The following SHROOM2 variants were observed in gnomAD, a reference collection of about 807,000 sequenced individuals.
SHROOM2 encodes protein Shroom2.
Under a neutral mutation model 75.9 loss-of-function variants are expected in SHROOM2, and 33 were observed. The observed-to-expected ratio is 0.43, with a 90% CI of 0.33 to 0.58. The LOEUF (loss-of-function observed/expected upper bound fraction) is 0.58. Ranked by LOEUF, SHROOM2 falls within the 20% of genes least tolerant of loss-of-function variation. SHROOM2 has a pLI of 0.04. For synonymous variants in SHROOM2, 655 were observed against 663.6 expected (o/e 0.99, Z 0.20); for missense variants, 1,434 against 1,461.2 (o/e 0.98, Z 0.30).
intron 7 of SHROOM2, among the ~76,000 whole-genome samples, 158 bp downstream of exon 7, chrX:9,937,843 G>A (rs1027432933): frequency 1.8e-5 from 2 of 112,180 alleles, no homozygotes; most frequent in Admixed American, 1.9e-4. Context: ...TGGCTTTTTT[G>A]TGAGCCTCCG....
At chrX:9,860,173 G>A (rs2084095602) in intron 1 of SHROOM2, among the ~76,000 whole-genome samples, 1 of 111,821 alleles carries the variant, frequency 8.9e-6, no homozygotes, top group Non-Finnish European at 1.9e-5. Flanking sequence ...CAGGGATGCT[G>A]CTGAGTCCCC....
At chrX:9,816,686 A>G (rs1231007421) in intron 1 of SHROOM2, among the ~76,000 whole-genome samples, 1 of 110,879 alleles carries the variant, frequency 9.0e-6, no homozygotes, top group Non-Finnish European at 1.9e-5. Context: ...TGGGGTTCAG[A>G]CAGCGAGCGG....
At chrX:9,801,373 A>C (rs1301232199) in intron 1 of SHROOM2, among the ~76,000 whole-genome samples, 1 of 111,497 alleles carries the variant, frequency 9.0e-6, no homozygotes, top group Non-Finnish European at 1.9e-5. Flanking sequence ...GAGTATGAAA[A>C]GTTCTTCATG....
intron 1 of SHROOM2, among the ~76,000 whole-genome samples, chrX:9,787,827 G>C (rs143649381): frequency 0.039 from 4,383 of 111,738 alleles, 95 homozygotes; most frequent in Non-Finnish European, 0.063. Flanking sequence ...GTTGAACTCA[G>C]GAAAGAGGTT....
At chrX:9,935,962 C>T (rs1281249936) in intron 6 of SHROOM2, among the ~76,000 whole-genome samples, 2 of 111,411 alleles carry the variant, frequency 1.8e-5, no homozygotes, top group African/African-American at 3.3e-5. Context: ...TGGTCTAGCA[C>T]GGTGCCGCTG....
At chrX:9,857,122 A>T (rs1464350417) in intron 1 of SHROOM2, among the ~76,000 whole-genome samples, 1 of 112,812 alleles carries the variant, frequency 8.9e-6, no homozygotes, top group Non-Finnish European at 1.9e-5. Context: ...CAGAAAGAGG[A>T]CACGAAGGTG....
At chrX:9,911,484 T>G (rs1400288153) in intron 5 of SHROOM2, among the ~76,000 whole-genome samples, 1 of 111,077 alleles carries the variant, frequency 9.0e-6, no homozygotes, top group African/African-American at 3.3e-5. Context: ...AGGAACAGGT[T>G]GGAAAGAGAA....
chrX:9,922,689 A>T (rs1266244852), intron 5 of SHROOM2, among the ~76,000 whole-genome samples: 3 of 111,113 alleles, frequency 2.7e-5, no homozygotes, highest in Admixed American at 9.6e-5. Flanking sequence ...GCCAACATGA[A>T]TGAGGGCTTG....
intron 1 of SHROOM2, among the ~76,000 whole-genome samples, chrX:9,843,508 C>T (rs1365650897): frequency 9.0e-6 from 1 of 110,627 alleles, no homozygotes; most frequent in Admixed American, 9.7e-5. Flanking sequence ...TAGGGATCCT[C>T]CAGCCTCAGC....
intron 1 of SHROOM2, among the ~76,000 whole-genome samples, chrX:9,795,017 G>T (rs1454845113): frequency 8.9e-6 from 1 of 112,373 alleles, no homozygotes; most frequent in Non-Finnish European, 1.9e-5. Flanking sequence ...CTGCTGTTGT[G>T]CAGTATTGCT....
chrX:9,920,270 T>C (rs1444368976), intron 5 of SHROOM2, among the ~76,000 whole-genome samples: 1 of 112,623 alleles, frequency 8.9e-6, no homozygotes, highest in Non-Finnish European at 1.9e-5. Flanking sequence ...CTGAGTTTTA[T>C]GGTCTGTGAC....
chrX:9,861,659 A>G (rs776344108), intron 1 of SHROOM2, among the ~76,000 whole-genome samples: 120 of 112,322 alleles, frequency 1.1e-3, no homozygotes, highest in African/African-American at 3.7e-3. Flanking sequence ...AGAGTTTGCA[A>G]CATATTTTCA....
chrX:9,882,178 C>CTTT (rs386416608), intron 2 of SHROOM2, among the ~76,000 whole-genome samples: 40,939 of 70,841 alleles, frequency 0.58, 12,118 homozygotes, highest in Non-Finnish European at 0.74. Context: ...TCCCTTGTTG[C>CTTT]TTTTTTTTTT....
At chrX:9,857,404 A>G in intron 1 of SHROOM2, among the ~76,000 whole-genome samples, 1 of 107,241 alleles carries the variant, frequency 9.3e-6, no homozygotes, top group African/African-American at 3.5e-5. Context: ...TTTTTCAGAG[A>G]CATGGAATCT....
intron 5 of SHROOM2, among the ~76,000 whole-genome samples, chrX:9,906,653 T>G (rs1373146270): frequency 9.0e-6 from 1 of 111,588 alleles, no homozygotes; most frequent in Non-Finnish European, 1.9e-5. Flanking sequence ...CCAGGTGTGG[T>G]GGCAGTCACC....
At chrX:9,807,291 C>T (rs1307087232) in intron 1 of SHROOM2, among the ~76,000 whole-genome samples, 1 of 112,311 alleles carries the variant, frequency 8.9e-6, no homozygotes, top group Admixed American at 9.5e-5. Flanking sequence ...GCTCATCCTT[C>T]CTGCATTCAA....
At chrX:9,912,971 G>C (rs2084444650) in intron 5 of SHROOM2, 1 of 112,213 alleles carries the variant, frequency 8.9e-6, no homozygotes, top group Admixed American at 9.4e-5. Flanking sequence ...ATTGGAACTG[G>C]AAGGCGGTGC....
chrX:9,919,982 A>C (rs1406062816), intron 5 of SHROOM2, among the ~76,000 whole-genome samples: 1 of 110,992 alleles, frequency 9.0e-6, no homozygotes, highest in Non-Finnish European at 1.9e-5. Context: ...TAACTCAGAC[A>C]TCTCAAATCA....
intron 1 of SHROOM2, among the ~76,000 whole-genome samples, chrX:9,824,055 G>C (rs1255360115): frequency 9.0e-6 from 1 of 110,942 alleles, no homozygotes; most frequent in East Asian, 2.8e-4. Flanking sequence ...AGCGTCCCAA[G>C]AAATAACATT....
Sources: allele counts gnomAD v4.1 joint callset (sites outside exome capture counted in the v4.1 genomes callset), GRCh38; gene constraint gnomAD v4.1.1; transcripts MANE v1.5; gene names NCBI Gene and HGNC (gene_info 2026-07-23, HGNC 2026-07-21).